The following ARB2A variants were observed in gnomAD, a reference collection of about 807,000 sequenced individuals.
ARB2A encodes cotranscriptional regulator ARB2A.
At chr5:93,908,388 T>C in the ARB2A span, among the ~76,000 whole-genome samples, 7 of 151,030 alleles carry the variant, frequency 4.6e-5, no homozygotes, top group East Asian at 1.2e-3. Flanking sequence ...AATAAACTTA[T>C]ATTTGATAAC....
At chr5:93,878,272 T>G in the ARB2A span, among the ~76,000 whole-genome samples, 2 of 152,152 alleles carry the variant, frequency 1.3e-5, no homozygotes, top group Non-Finnish European at 2.9e-5. Context: ...CCACCTTATT[T>G]AAAATTTATT....
the ARB2A span, among the ~76,000 whole-genome samples, chr5:93,840,049 T>A: frequency 6.6e-6 from 1 of 152,168 alleles, no homozygotes; most frequent in African/African-American, 2.4e-5. Context: ...TTATTTCTTG[T>A]CTTCTTTGAG....
chr5:93,932,258 ACT>A, the ARB2A span, among the ~76,000 whole-genome samples: 1 of 152,276 alleles, frequency 6.6e-6, no homozygotes, highest in African/African-American at 2.4e-5. Context: ...AAAATAACCT[ACT>A]ACTAAAAAAC....
At chr5:93,825,336 C>T in the ARB2A span, among the ~76,000 whole-genome samples, 1 of 152,252 alleles carries the variant, frequency 6.6e-6, no homozygotes, top group Non-Finnish European at 1.5e-5. Context: ...TAAATTGATG[C>T]AGATGGTCAG....
chr5:94,088,949 C>T, the ARB2A span, among the ~76,000 whole-genome samples: 7 of 152,206 alleles, frequency 4.6e-5, no homozygotes, highest in African/African-American at 1.4e-4. Context: ...AGAAAGTTTC[C>T]CACAGACGGT....
At chr5:93,731,358 T>A in the ARB2A span, among the ~76,000 whole-genome samples, 4 of 152,224 alleles carry the variant, frequency 2.6e-5, no homozygotes, top group African/African-American at 7.2e-5. Context: ...ACAGCGAGAA[T>A]ACAGCCATTT....
the ARB2A span, among the ~76,000 whole-genome samples, chr5:93,921,553 C>T: frequency 6.6e-6 from 1 of 151,930 alleles, no homozygotes; most frequent in African/African-American, 2.4e-5. Flanking sequence ...TCTGCCTAAA[C>T]TGGTTTTTTA....
chr5:93,691,602 C>T, the ARB2A span, among the ~76,000 whole-genome samples: 1 of 152,100 alleles, frequency 6.6e-6, no homozygotes, highest in Non-Finnish European at 1.5e-5. Flanking sequence ...GGAAAACACT[C>T]TTCAGGATAT....
the ARB2A span, chr5:94,074,662 CTTTTCT>C: frequency 4.3e-6 from 7 of 1,612,264 alleles, no homozygotes; most frequent in South Asian, 7.7e-5. Context: ...GTGCGGTAGT[CTTTTCT>C]TTTTCATCTG....
At chr5:93,930,290 T>C in the ARB2A span, among the ~76,000 whole-genome samples, 1 of 152,140 alleles carries the variant, frequency 6.6e-6, no homozygotes, top group East Asian at 1.9e-4. Flanking sequence ...GTAAGGACAA[T>C]AGAAATAACT....
chr5:93,769,737 G>T, the ARB2A span, among the ~76,000 whole-genome samples: 2 of 152,114 alleles, frequency 1.3e-5, no homozygotes, highest in Non-Finnish European at 2.9e-5. Flanking sequence ...ATGAGCTCTT[G>T]TTCACTGCTA....
the ARB2A span, among the ~76,000 whole-genome samples, chr5:93,858,099 A>G: frequency 6.6e-6 from 1 of 152,226 alleles, no homozygotes; most frequent in Admixed American, 6.5e-5. Context: ...ACAAGGTACA[A>G]ACTTCCAAGA....
At chr5:93,945,881 C>T in the ARB2A span, among the ~76,000 whole-genome samples, 1 of 151,944 alleles carries the variant, frequency 6.6e-6, no homozygotes, top group African/African-American at 2.4e-5. Context: ...CTTCTTAACA[C>T]CAGGGAGAAG....
the ARB2A span, among the ~76,000 whole-genome samples, chr5:94,019,709 G>A: frequency 5.3e-5 from 8 of 152,272 alleles, no homozygotes; most frequent in Admixed American, 4.6e-4. Flanking sequence ...CAACCATTGT[G>A]GAAGACAGTG....
the ARB2A span, chr5:93,683,383 A>G: frequency 6.2e-7 from 1 of 1,602,876 alleles, no homozygotes; most frequent in East Asian, 2.2e-5. Context: ...AGTGCTGTCC[A>G]CTAATATGCA....
the ARB2A span, among the ~76,000 whole-genome samples, chr5:93,922,906 A>G: frequency 6.6e-6 from 1 of 152,140 alleles, no homozygotes; most frequent in Non-Finnish European, 1.5e-5. Context: ...AATGGTAGAA[A>G]AAGAATTGGT....
At chr5:93,894,081 A>C in the ARB2A span, among the ~76,000 whole-genome samples, 1 of 152,204 alleles carries the variant, frequency 6.6e-6, no homozygotes, top group Non-Finnish European at 1.5e-5. Context: ...CAATTTTTAA[A>C]AAATGTACTC....
the ARB2A span, among the ~76,000 whole-genome samples, chr5:93,920,518 T>C: frequency 6.6e-6 from 1 of 152,098 alleles, no homozygotes; most frequent in African/African-American, 2.4e-5. Context: ...TACAGATGAA[T>C]TGCATGGCCT....
At chr5:94,079,364 T>C in the ARB2A span, among the ~76,000 whole-genome samples, 13 of 152,290 alleles carry the variant, frequency 8.5e-5, no homozygotes, top group East Asian at 2.3e-3. Context: ...TCTTATCCAT[T>C]ATCTGATTAG....
Sources: allele counts gnomAD v4.1 joint callset (sites outside exome capture counted in the v4.1 genomes callset), GRCh38; gene constraint gnomAD v4.1.1; transcripts MANE v1.5; gene names NCBI Gene and HGNC (gene_info 2026-07-23, HGNC 2026-07-21).